Variants in AGK observed in about 807,000 individuals in gnomAD.
AGK encodes the protein acylglycerol kinase, also known as acylglycerol kinase, mitochondrial.
Under a neutral mutation model 66.4 loss-of-function variants are expected in AGK, and 52 were observed. The ratio of observed to expected loss-of-function variants is 0.78; its 90% CI spans 0.63 to 0.99. AGK has a LOEUF of 0.99. Ranked by LOEUF, AGK falls within the 50% of genes least tolerant of loss-of-function variation. The pLI, the probability that AGK is intolerant of heterozygous loss-of-function variation, is 0.00. For synonymous variants in AGK, 182 were observed against 181.1 expected (o/e 1.00, Z -0.04); for missense variants, 451 against 506.6 (o/e 0.89, Z 1.05).
intron 2 of AGK, among the ~76,000 whole-genome samples, chr7:141,562,733 G>A (rs757510382): frequency 6.6e-6 from 1 of 152,182 alleles, no homozygotes; most frequent in Non-Finnish European, 1.5e-5. Flanking sequence ...TTAGATCCAG[G>A]CAGCCTGTGC....
chr7:141,650,374 A>T (rs1797525935), intron 14 of AGK: 1 of 284,418 alleles, frequency 3.5e-6, no homozygotes, highest in South Asian at 1.4e-4. Flanking sequence ...ACTGGTATCC[A>T]GAAATAGAGA....
rs563239081 is a variant in AGK at position 141,579,221 on chromosome 7, G to A, written c.102-13925G>A. ...GGCAAAGTGGTAAAAGTATTGTCCA[G>A]TCCTTTTTAAGTTGGTGGCTGAGCT... is the stretch of plus-strand genomic sequence containing the variant. On this transcript the variant is annotated intron_variant, in intron 2 of 15. Coordinates refer to ENST00000649286, the MANE Select transcript of AGK (RefSeq NM_018238.4). Among the ~76,000 whole-genome samples, 3 of 152,162 alleles carry A rather than the reference G, an allele frequency of 2.0e-5. No individual in the cohort carries two copies. The East Asian group carries it at 5.8e-4, about 29-fold the overall frequency.
At chr7:141,612,435 G>A (rs1487777036) in intron 6 of AGK, among the ~76,000 whole-genome samples, 1 of 152,150 alleles carries the variant, frequency 6.6e-6, no homozygotes. Flanking sequence ...CAAATTTTTT[G>A]TGTGTATTTG....
chr7:141,599,056 T>C (rs1796287211), intron 4 of AGK: 1 of 152,190 alleles, frequency 6.6e-6, no homozygotes, highest in Non-Finnish European at 1.5e-5. Flanking sequence ...GTTGTCTCCT[T>C]TAACAAGGTG....
chr7:141,626,361 C>T (rs1455798609), intron 9 of AGK, among the ~76,000 whole-genome samples: 1 of 152,022 alleles, frequency 6.6e-6, no homozygotes, highest in Non-Finnish European at 1.5e-5. Flanking sequence ...AAATCACCTG[C>T]GTAATAATTG....
At chr7:141,564,446 A>C (rs1373287154) in intron 2 of AGK, among the ~76,000 whole-genome samples, 2 of 151,696 alleles carry the variant, frequency 1.3e-5, no homozygotes, top group Admixed American at 6.6e-5. Context: ...AGCCCCTTTA[A>C]AAAAACCATC....
intron 14 of AGK, chr7:141,650,745 TAC>T (rs1797535547): frequency 1.6e-5 from 15 of 913,088 alleles, no homozygotes; most frequent in Non-Finnish European, 1.8e-5. Flanking sequence ...GCGTTATAAA[TAC>T]AGTCATCCCA....
At chr7:141,615,624 T>C in intron 8 of AGK, 59 bp downstream of exon 8, 1 of 1,288,292 alleles carries the variant, frequency 7.8e-7, no homozygotes, top group Non-Finnish European at 1.1e-6. Context: ...GAATGAAAAA[T>C]TTATGTGTAT....
rs533103733 is a variant in AGK, at chr7:141,610,312, C to T, written c.298-883C>T. ...TTATGCCATAGGTGCTTAAGCCCATCTGAAATCCAGACATTTAATTTTTGT... is the reference window on the plus strand; with the variant it reads ...TTATGCCATAGGTGCTTAAGCCCATTTGAAATCCAGACATTTAATTTTTGT... On this transcript the variant is annotated intron_variant, in intron 5 of 15. Coordinates refer to ENST00000649286, the MANE Select transcript of AGK (RefSeq NM_018238.4). Among the ~76,000 whole-genome samples the T allele has an allele frequency of 1.2e-4, 19 of 152,196 alleles. No homozygotes were observed. In the East Asian group the frequency reaches 3.5e-3, roughly 28 times the overall value.
intron 8 of AGK, among the ~76,000 whole-genome samples, chr7:141,618,062 A>G (rs1013967237): frequency 3.3e-5 from 5 of 152,214 alleles, no homozygotes; most frequent in African/African-American, 1.2e-4. Context: ...TAATCCAAGC[A>G]TTTGAGTTAA....
chr7:141,560,349 C>T (rs967694370), intron 2 of AGK, among the ~76,000 whole-genome samples: 1 of 151,512 alleles, frequency 6.6e-6, no homozygotes, highest in Non-Finnish European at 1.5e-5. Flanking sequence ...TTGTTTTTAC[C>T]CTGAGAAGAT....
At chr7:141,606,409 C>T (rs1052174045) in intron 5 of AGK, among the ~76,000 whole-genome samples, 3 of 152,102 alleles carry the variant, frequency 2.0e-5, no homozygotes, top group East Asian at 1.9e-4. Flanking sequence ...TTGTTGTTGT[C>T]GATATATCAT....
chr7:141,640,848 G>A (rs1797272031), intron 11 of AGK, among the ~76,000 whole-genome samples: 1 of 152,180 alleles, frequency 6.6e-6, no homozygotes, highest in African/African-American at 2.4e-5. Flanking sequence ...TGGCCTGTGT[G>A]TGGAATAAGA....
intron 2 of AGK, among the ~76,000 whole-genome samples, chr7:141,591,260 T>G (rs995936258): frequency 1.1e-4 from 17 of 151,812 alleles, no homozygotes; most frequent in Admixed American, 3.3e-4. Flanking sequence ...GCCCGGCTAA[T>G]TTTTATATTT....
intron 10 of AGK, among the ~76,000 whole-genome samples, chr7:141,635,754 A>T (rs905623898): frequency 1.3e-5 from 2 of 152,130 alleles, no homozygotes; most frequent in African/African-American, 4.8e-5. Context: ...TGGCTGCTCC[A>T]GTGATTTTAG....
intron 11 of AGK, among the ~76,000 whole-genome samples, chr7:141,639,734 C>T (rs767810329): frequency 6.6e-6 from 1 of 152,168 alleles, no homozygotes; most frequent in Non-Finnish European, 1.5e-5. Context: ...TCAAGTAGCA[C>T]TGAAGACCTG....
intron 2 of AGK, among the ~76,000 whole-genome samples, chr7:141,586,731 A>G (rs889268663): frequency 5.3e-5 from 8 of 152,194 alleles, no homozygotes; most frequent in Non-Finnish European, 8.8e-5. Flanking sequence ...GCAGTTTGCC[A>G]AGAGCAGAAG....
rs141018660 is a variant in AGK, at chr7:141,653,068, C to A, written c.*144C>A. 403 of 886,244 alleles carry A rather than the reference C, an allele frequency of 4.5e-4. 1 individual carries two copies. The African/African-American group carries it at 5.7e-3, about 13-fold the overall frequency. 54.9% of individuals were successfully genotyped at this position (886,244 alleles called of 1,614,324 possible). ...AAGTACCCCTCTGCCCCCACTCCAG[C>A]AGTGCTTCCCAAAGTGTGCTCTGTC... On this transcript the variant is annotated 3_prime_UTR_variant, in exon 16 of 16. Transcript: ENST00000649286.
intron 1 of AGK, among the ~76,000 whole-genome samples, chr7:141,553,008 TA>T (rs370452577): frequency 3.0e-4 from 45 of 149,192 alleles, no homozygotes; most frequent in East Asian, 2.9e-3. Context: ...TGGGCTACTG[TA>T]AAAAAAAAAT....
Sources: allele counts gnomAD v4.1 joint callset (sites outside exome capture counted in the v4.1 genomes callset), GRCh38; gene constraint gnomAD v4.1.1; transcripts MANE v1.5; gene names NCBI Gene and HGNC (gene_info 2026-07-23, HGNC 2026-07-21).